Variants in PCSK6 observed in about 807,000 individuals in gnomAD.
PCSK6 encodes paired basic amino acid cleaving enzyme 4.
In PCSK6, 85 loss-of-function variants were observed where a neutral mutation model predicts 123.3. That is an observed-to-expected ratio of 0.69 (90% CI 0.58 to 0.83). The LOEUF (loss-of-function observed/expected upper bound fraction) is 0.83, where lower values mean the gene tolerates loss of function less well. Ranked by LOEUF, PCSK6 falls within the 40% of genes least tolerant of loss-of-function variation. PCSK6 has a pLI of 0.00. For missense variants in PCSK6, 1,191 were observed against 1,282.3 expected, an observed-to-expected ratio of 0.93 and a Z score of 1.09; for synonymous variants, 508 against 516.0, an observed-to-expected ratio of 0.98 and a Z score of 0.21.
At chr15:101,401,473 T>A (rs1321906994) in intron 6 of PCSK6, among the ~76,000 whole-genome samples, 1 of 152,206 alleles carries the variant, frequency 6.6e-6, no homozygotes, top group East Asian at 1.9e-4. Context: ...TGGACTTAGA[T>A]GCCTCGACGC....
intron 1 of PCSK6, among the ~76,000 whole-genome samples, chr15:101,469,940 C>T (rs2057564310): frequency 6.6e-6 from 1 of 152,212 alleles, no homozygotes; most frequent in Admixed American, 6.5e-5. Context: ...CTCTCTCATC[C>T]AGTGCTAATG....
chr15:101,418,520 ATTT>A (rs749644480), intron 6 of PCSK6, among the ~76,000 whole-genome samples: 50 of 136,570 alleles, frequency 3.7e-4, no homozygotes, highest in African/African-American at 1.1e-3. Context: ...CCAATTTAGG[ATTT>A]TTTTTTTTTT....
chr15:101,439,317 A>G (rs2141140940), intron 2 of PCSK6, among the ~76,000 whole-genome samples: 1 of 152,360 alleles, frequency 6.6e-6, no homozygotes, highest in South Asian at 2.1e-4. Context: ...ATCTAAGCGG[A>G]AGGGCAGAGC....
At position 101,398,352 on chromosome 15, in the gene PCSK6, T is replaced by A; in HGVS notation, c.996+52A>T. 6.5e-7 allele frequency: 1 copy of A among 1,545,252 alleles called. No homozygotes were observed. The highest frequency in any genetic ancestry group is 2.3e-5 in the East Asian group (1 of 43,982). On this transcript the variant is annotated intron_variant, in intron 7 of 21. Coordinates refer to ENST00000611716, the MANE Select transcript of PCSK6 (RefSeq NM_002570.5). The surrounding 1 kb of genome is among the most constrained non-coding windows in gnomAD (Gnocchi z 4.6). The stretch of plus-strand genomic sequence containing the variant: ...GTCACTCTGATACTTGTTAAAATGT[T>A]TACTGTCACCCTTGTCCCAGAGCGC...
chr15:101,384,225 C>G (rs767973033), intron 10 of PCSK6, 97 bp downstream of exon 10: 1 of 1,539,886 alleles, frequency 6.5e-7, no homozygotes, highest in Non-Finnish European at 8.8e-7. Context: ...ATAATAACAA[C>G]TAATGCTATT....
chr15:101,326,220 T>C (rs534340097), intron 16 of PCSK6, among the ~76,000 whole-genome samples, 157 bp downstream of exon 16: 22 of 152,386 alleles, frequency 1.4e-4, no homozygotes, highest in South Asian at 8.3e-4. Flanking sequence ...GCCAAGTTAC[T>C]AAAAATTTAA....
chr15:101,469,026 T>C (rs1388984463), intron 1 of PCSK6, among the ~76,000 whole-genome samples: 1 of 152,242 alleles, frequency 6.6e-6, no homozygotes, highest in Non-Finnish European at 1.5e-5. Context: ...CCAGCTCTTC[T>C]GATCTCAAAG....
rs571331380 is a variant in PCSK6 at position 101,483,634 on chromosome 15, G to C, written c.297+5740C>G. 2.6e-3 allele frequency among the ~76,000 whole-genome samples: 397 copies of C among 152,292 alleles called. 2 individuals are homozygous for C. The highest frequency in any genetic ancestry group is 9.0e-3 in the African/African-American group (373 of 41,566). ...TGATTTGGTATGTGGAGAATACCTTGCTGCCATCCTCTCCACACAAGCAAC... is the reference window on the plus strand; with the variant it reads ...TGATTTGGTATGTGGAGAATACCTTCCTGCCATCCTCTCCACACAAGCAAC... On this transcript the variant is annotated intron_variant, in intron 1 of 21. Transcript: ENST00000611716.
rs1176457199 is a variant in PCSK6 at position 101,489,597 on chromosome 15, G to A, written c.74C>T (p.Ala25Val). The A allele has an allele frequency of 1.0e-6, 1 of 961,392 alleles. No homozygotes were observed. The highest frequency in any genetic ancestry group is 1.2e-6 in the Non-Finnish European group (1 of 816,572). The allele number at this position is 961,392 out of a possible 1,614,324, so 59.6% of individuals were successfully genotyped here. ...CGCGCCCCCCGCGCCCCCCGCGCCC[G>A]CGGCGGTGTCGGTGGCGGCGGCGGC... ...PRAAAATDTAAGAGGAGGAGG... is the reference protein window; with the variant it reads ...PRAAAATDTAVGAGGAGGAGG... The change falls in exon 1 of 22, where the codon GCG becomes GTG. Residue 25 changes from alanine (A) to valine (V), a missense_variant. Ala to Val is a moderately conservative substitution (Grantham distance 64). This residue lies in a region of PCSK6 where 204 missense variants were observed against 166.4 expected (regional missense o/e 1.23). Coordinates refer to ENST00000611716, the MANE Select transcript of PCSK6 (RefSeq NM_002570.5).
At chr15:101,415,758 G>A (rs2055865628) in intron 6 of PCSK6, among the ~76,000 whole-genome samples, 1 of 152,198 alleles carries the variant, frequency 6.6e-6, no homozygotes, top group Non-Finnish European at 1.5e-5. Flanking sequence ...CTATTTTTGT[G>A]ATAGAGAGTA....
chr15:101,444,095 T>C (rs933117201), intron 1 of PCSK6, among the ~76,000 whole-genome samples: 1 of 152,114 alleles, frequency 6.6e-6, no homozygotes, highest in Non-Finnish European at 1.5e-5. Flanking sequence ...AACTGAAATA[T>C]CGAAGAATGA....
At chr15:101,401,231 C>A (rs758692210) in intron 6 of PCSK6, among the ~76,000 whole-genome samples, 11 of 152,230 alleles carry the variant, frequency 7.2e-5, no homozygotes, top group Non-Finnish European at 1.6e-4. Flanking sequence ...GCAGTGTCAG[C>A]CACGTGGGCG....
At chr15:101,384,451 GT>G (rs1303433369) in intron 9 of PCSK6, 26 bp from the exon 10 acceptor site, 2 of 1,596,122 alleles carry the variant, frequency 1.3e-6, no homozygotes, top group African/African-American at 1.3e-5. Flanking sequence ...ACACCCTAGA[GT>G]CCACACAGCT....
At chr15:101,486,800 A>G (rs1012904938) in intron 1 of PCSK6, among the ~76,000 whole-genome samples, 1 of 152,270 alleles carries the variant, frequency 6.6e-6, no homozygotes, top group Admixed American at 6.5e-5. Flanking sequence ...GGAGAAAACC[A>G]GGGCTGCGAT....
At chr15:101,441,614 CT>C (rs1210655483) in intron 2 of PCSK6, among the ~76,000 whole-genome samples, 1 of 152,206 alleles carries the variant, frequency 6.6e-6, no homozygotes, top group Non-Finnish European at 1.5e-5. Context: ...CAGATTAAGT[CT>C]CCTATTTCGA....
intron 6 of PCSK6, among the ~76,000 whole-genome samples, chr15:101,418,448 G>A (rs1384911645): frequency 6.6e-6 from 1 of 151,322 alleles, no homozygotes; most frequent in Non-Finnish European, 1.5e-5. Flanking sequence ...GAATGCAGAT[G>A]TATCAAAACA....
chr15:101,404,102 C>T (rs1455603171), intron 6 of PCSK6, among the ~76,000 whole-genome samples: 1 of 152,118 alleles, frequency 6.6e-6, no homozygotes, highest in Non-Finnish European at 1.5e-5. Flanking sequence ...AAATCTTCTC[C>T]CAGTGTATGC....
chr15:101,461,594 A>G (rs1483112230), intron 1 of PCSK6, among the ~76,000 whole-genome samples: 1 of 152,212 alleles, frequency 6.6e-6, no homozygotes. Flanking sequence ...AAAACTCCTA[A>G]CTAAAATATT....
chr15:101,432,033 G>C lies in PCSK6; in HGVS notation c.470C>G (p.Ala157Gly), dbSNP rs750246977. The C allele has an allele frequency of 1.2e-6, 2 of 1,613,638 alleles. No individual in the cohort carries two copies. The highest frequency in any genetic ancestry group is 1.1e-5 in the South Asian group (1 of 90,950). ...VKRQVRSDPQALYFNDPIWSN... is the reference protein window; with the variant it reads ...VKRQVRSDPQGLYFNDPIWSN... ...CCAAATGGGGTCGTTGAAGTAAAGG[G>C]CCTGCGGGTCACTTCGCACCTGTCT... The change falls in exon 3 of 22, where the codon GCC (alanine) becomes GGC (glycine). Residue 157 changes from alanine to glycine, a missense_variant. Transcript: ENST00000611716.
Sources: allele counts gnomAD v4.1 joint callset (sites outside exome capture counted in the v4.1 genomes callset), GRCh38; gene constraint gnomAD v4.1.1; regional missense constraint gnomAD v4.1.1; non-coding constraint Gnocchi (gnomAD v3.1); transcripts MANE v1.5; gene names NCBI Gene and HGNC (gene_info 2026-07-23, HGNC 2026-07-21).